Variants in TCTA observed in about 807,000 individuals in gnomAD.
TCTA encodes the protein T-cell leukemia translocation-altered gene protein.
In TCTA, 13 loss-of-function variants were observed where a neutral mutation model predicts 13.5. The observed-to-expected ratio is 0.96, with a 90% CI of 0.63 to 1.53. The LOEUF (loss-of-function observed/expected upper bound fraction) is 1.53, where lower values mean the gene tolerates loss of function less well. TCTA is among the 40% of genes most tolerant of loss of function. TCTA has a pLI of 0.00. For synonymous variants in TCTA, 58 were observed against 59.0 expected (o/e 0.98, Z 0.08); for missense variants, 138 against 131.3 (o/e 1.05, Z -0.25).
At chr3:49,414,791 T>A (rs775691112) in intron 2 of TCTA, 29 bp from the exon 3 acceptor site, 9 of 1,613,392 alleles carry the variant, frequency 5.6e-6, no homozygotes, top group South Asian at 1.1e-5. Flanking sequence ...GAATAACCAC[T>A]CTCTCTTCTC....
At position 49,414,914 on chromosome 3, in the gene TCTA, C is replaced by T. The variant is rs776716893; in HGVS notation, c.*52C>T. Reference sequence around the variant, plus strand: ...GCATCACTGGGTCTGCTGGCTTCTACACTGGGTTCTGCTACTCCCCAGACC... The same window carrying T: ...GCATCACTGGGTCTGCTGGCTTCTATACTGGGTTCTGCTACTCCCCAGACC... On this transcript the variant is annotated 3_prime_UTR_variant, in exon 3 of 3. Coordinates refer to ENST00000273590, the MANE Select transcript of TCTA (RefSeq NM_022171.3). 1.2e-6 allele frequency: 2 copies of T among 1,610,916 alleles called. No homozygotes were observed. The highest frequency in any genetic ancestry group is 2.2e-5 in the East Asian group (1 of 44,830).
intron 2 of TCTA, 141 bp downstream of exon 2, chr3:49,413,251 G>C: frequency 1.1e-6 from 1 of 894,388 alleles, no homozygotes; most frequent in South Asian, 1.5e-5. Flanking sequence ...TGCACGTAGA[G>C]CTCAGGCTTC....
At chr3:49,413,437 C>T (rs1175955809) in intron 2 of TCTA, 2 of 300,670 alleles carry the variant, frequency 6.7e-6, no homozygotes, top group African/African-American at 4.3e-5. Flanking sequence ...GCACATTGAC[C>T]TCATCAGGGT....
intron 2 of TCTA, 22 bp downstream of exon 2, chr3:49,413,132 G>T (rs373642992): frequency 3.7e-6 from 6 of 1,613,794 alleles, no homozygotes; most frequent in Non-Finnish European, 4.2e-6. Context: ...TGTCCATACC[G>T]CAACCCCATG....
chr3:49,412,704 C>T, intron 1 of TCTA, 64 bp downstream of exon 1: 3 of 1,557,730 alleles, frequency 1.9e-6, no homozygotes, highest in Non-Finnish European at 2.6e-6. Context: ...CCGACTGTAC[C>T]ATTGGGTTCC....
Position 49,415,514 on chromosome 3 carries a change from CAAA to C in TCTA, c.*660_*662del, listed in dbSNP as rs879003171. On this transcript the variant is annotated 3_prime_UTR_variant, in exon 3 of 3. Coordinates refer to ENST00000273590, the MANE Select transcript of TCTA (RefSeq NM_022171.3). ...CTGGGCAACAGAGCAAGACCCATCT[CAAA>C]AAAAAAATTTTTTTCCTGAGAGGAA... 1 of 151,522 alleles carries C rather than the reference CAAA, an allele frequency of 6.6e-6. No homozygotes were observed. The highest frequency in any genetic ancestry group is 2.4e-5 in the African/African-American group (1 of 41,258). The allele number at this position is 151,522 out of a possible 1,614,324, so 9.4% of individuals were successfully genotyped here.
In TCTA at chr3:49,412,549, G is replaced by C. The variant is rs1559525465; in HGVS notation, c.123G>C (p.Leu41=). The change falls in exon 1 of 3, where the codon CTG becomes CTC. Residue 41 remains leucine (L), a synonymous_variant. Coordinates refer to ENST00000273590, the MANE Select transcript of TCTA (RefSeq NM_022171.3). The stretch of plus-strand genomic sequence containing the variant: ...ACATGCGCGTGACCCTCTTCAAGCT[G>C]CTGCTGCTGTGGTTGGTGTTAAGTC... ...AQDMRVTLFK[L]LLLWLVLSLL... The C allele has an allele frequency of 6.2e-7, 1 of 1,614,266 alleles. No homozygotes were observed. The highest frequency in any genetic ancestry group is 1.7e-5 in the Admixed American group (1 of 60,038).
In TCTA at chr3:49,414,398, G is replaced by C. The variant is rs547093442; in HGVS notation, c.270-422G>C. On this transcript the variant is annotated intron_variant, in intron 2 of 2. Transcript: ENST00000273590. The stretch of plus-strand genomic sequence containing the variant: ...AAAATACAAAAACTAGCTGGGTGTG[G>C]TGGCGGGCGCCTGTAATCCCAGCTA... Among the ~76,000 whole-genome samples the C allele has an allele frequency of 5.9e-5, 9 of 152,184 alleles. No homozygotes were observed. In the East Asian group the frequency reaches 1.4e-3, roughly 23 times the overall value.
chr3:49,414,904 C>G lies in TCTA; in HGVS notation c.*42C>G. 1 of 1,612,872 alleles carries G rather than the reference C, an allele frequency of 6.2e-7. No homozygotes were observed. Among genetic ancestry groups the G allele is most frequent in the Non-Finnish European group, 8.5e-7 (1 of 1,179,094 alleles). On this transcript the variant is annotated 3_prime_UTR_variant, in exon 3 of 3. Coordinates refer to ENST00000273590, the MANE Select transcript of TCTA (RefSeq NM_022171.3). ...GTCTCCAAGGGCATCACTGGGTCTGCTGGCTTCTACACTGGGTTCTGCTAC... is the reference window on the plus strand; with the variant it reads ...GTCTCCAAGGGCATCACTGGGTCTGGTGGCTTCTACACTGGGTTCTGCTAC...
Position 49,416,363 on chromosome 3 carries a change from G to A in TCTA, c.*1501G>A, listed in dbSNP as rs1227646282. The A allele has an allele frequency of 4.9e-6, 1 of 206,176 alleles. No individual in the cohort carries two copies. The highest frequency in any genetic ancestry group is 1.0e-5 in the Non-Finnish European group (1 of 98,596). 12.8% of individuals were successfully genotyped at this position (206,176 alleles called of 1,614,324 possible). ...GCCCTGGAATTGCAGCTGTACTGAG[G>A]ATGATGTTATTCACAGCCCCTGGCC... On this transcript the variant is annotated 3_prime_UTR_variant, in exon 3 of 3. Coordinates refer to ENST00000273590, the MANE Select transcript of TCTA (RefSeq NM_022171.3).
chr3:49,413,100 T>G lies in TCTA; in HGVS notation c.259T>G (p.Phe87Val). 1 of 1,614,134 alleles carries G rather than the reference T, an allele frequency of 6.2e-7. No homozygotes were observed. The highest frequency in any genetic ancestry group is 8.5e-7 in the Non-Finnish European group (1 of 1,180,016). The change falls in exon 2 of 3, where the codon TTC becomes GTC. Residue 87 changes from phenylalanine (F) to valine (V), a missense_variant. Physicochemically the swap from Phe to Val is conservative, Grantham distance 50. Coordinates refer to ENST00000273590, the MANE Select transcript of TCTA (RefSeq NM_022171.3). ...ATCCACGCCTGATGGCTCCACGCAT[T>G]TCCCTTCGTGGTGAGTAAATCTGTC... The part of the protein sequence containing the change: ...NGSTPDGSTH[F>V]PSWEMAANEP...
intron 2 of TCTA, 140 bp from the exon 3 acceptor site, chr3:49,414,680 A>G: frequency 1.0e-6 from 1 of 962,904 alleles, no homozygotes; most frequent in Non-Finnish European, 1.6e-6. Context: ...GCTGTGGGAG[A>G]CCAGCAGAGA....
chr3:49,413,662 C>G (rs1028511449), intron 2 of TCTA, among the ~76,000 whole-genome samples: 1 of 151,992 alleles, frequency 6.6e-6, no homozygotes, highest in African/African-American at 2.4e-5. Context: ...ACACCTAAGC[C>G]GAGATCAAAT....
At position 49,415,138 on chromosome 3, in the gene TCTA, C is replaced by T; in HGVS notation, c.*276C>T. ...TCAGGGGTGATAACTCAGGAAGCCT[C>T]TGGGTTGGGAAGACCATCAGTTCTT... On this transcript the variant is annotated 3_prime_UTR_variant, in exon 3 of 3. Transcript: ENST00000273590. 2.5e-6 allele frequency: 1 copy of T among 396,400 alleles called. No individual in the cohort carries two copies. The highest frequency in any genetic ancestry group is 4.6e-6 in the Non-Finnish European group (1 of 217,350). 24.6% of individuals were successfully genotyped at this position (396,400 alleles called of 1,614,324 possible). A position where few individuals can be genotyped will look rare whatever the true frequency, so the allele number is the denominator to read the frequency against.
chr3:49,413,777 G>A (rs1021769274), intron 2 of TCTA, among the ~76,000 whole-genome samples: 2 of 152,236 alleles, frequency 1.3e-5, no homozygotes, highest in Non-Finnish European at 2.9e-5. Flanking sequence ...TGATGCTGGA[G>A]CTTGAACGTG....
rs376358820 is a variant in TCTA, at chr3:49,413,050, C to T, written c.215-6C>T. The T allele has an allele frequency of 1.2e-5, 19 of 1,614,020 alleles. No homozygotes were observed. In the African/African-American group the frequency reaches 2.1e-4, roughly 18 times the overall value. On this transcript the variant is annotated splice_region_variant and splice_polypyrimidine_tract_variant and intron_variant, in intron 1 of 2. Transcript: ENST00000273590. ...TCTGCAGCTCTGGATGTGTTTCTGCCTCCAGGTCTGGGTGGTCAGAATGGA... is the reference window on the plus strand; with the variant it reads ...TCTGCAGCTCTGGATGTGTTTCTGCTTCCAGGTCTGGGTGGTCAGAATGGA...
chr3:49,413,216 T>C, intron 2 of TCTA, 106 bp downstream of exon 2: 7 of 1,299,682 alleles, frequency 5.4e-6, no homozygotes, highest in Non-Finnish European at 6.6e-6. Flanking sequence ...ACCAGCTTAA[T>C]GGCCTTTGCA....
At chr3:49,414,757 A>T in intron 2 of TCTA, 63 bp from the exon 3 acceptor site, 1 of 1,607,276 alleles carries the variant, frequency 6.2e-7, no homozygotes, top group Non-Finnish European at 8.5e-7. Flanking sequence ...GGGAGAGCCA[A>T]TTTCAGCAAC....
At position 49,412,671 on chromosome 3, in the gene TCTA, GCCGCCC is replaced by G. The variant is rs2048964077; in HGVS notation, c.214+40_214+45del. On this transcript the variant is annotated intron_variant, in intron 1 of 2. Transcript: ENST00000273590. ...GCTTCCTACGAACCTCCGTGGGCTG[GCCGCCC>G]CCGCCCCCACCCTCTCCCGACTGTA... is the stretch of plus-strand genomic sequence containing the variant. 4 of 1,604,762 alleles carry G rather than the reference GCCGCCC, an allele frequency of 2.5e-6. No homozygotes were observed. In the South Asian group the frequency reaches 4.4e-5, roughly 18 times the overall value.
Sources: gnomAD v4.1 joint callset for allele counts (sites outside exome capture counted in the v4.1 genomes callset) on GRCh38, gnomAD v4.1.1 for gene constraint, MANE v1.5 for transcripts, NCBI Gene and HGNC (gene_info 2026-07-23, HGNC 2026-07-21) for gene names.